The following NAB1 variants were observed in gnomAD, a reference collection of about 807,000 sequenced individuals.
The protein encoded by NAB1 is NGFI-A-binding protein 1.
Under a neutral mutation model 49.9 loss-of-function variants are expected in NAB1, and 25 were observed. The ratio of observed to expected loss-of-function variants is 0.50; its 90% CI spans 0.37 to 0.70. The LOEUF (loss-of-function observed/expected upper bound fraction) is 0.70. Among genes scored for constraint, NAB1 ranks in the 30% least tolerant of loss-of-function variants. The probability of loss-of-function intolerance (pLI) is 0.00; values close to 1 mark genes in which losing one functional copy is unlikely to be tolerated. For missense variants in NAB1, 489 were observed against 575.9 expected, an observed-to-expected ratio of 0.85 and a Z score of 1.54; for synonymous variants, 198 against 215.6, an observed-to-expected ratio of 0.92 and a Z score of 0.71.
chr2:190,685,664 T>G lies in NAB1; in HGVS notation c.1258+26T>G. On this transcript the variant is annotated intron_variant, in intron 8 of 9. Transcript: ENST00000337386. The surrounding 1 kb of genome is among the most constrained non-coding windows in gnomAD (Gnocchi z 4.5). ...GTACATCTTTAGAATATCCTATGCCTTTAGGGCCACTATGTGCACTTCAAA... is the reference window on the plus strand; with the variant it reads ...GTACATCTTTAGAATATCCTATGCCGTTAGGGCCACTATGTGCACTTCAAA... 2 of 1,544,760 alleles carry G rather than the reference T, an allele frequency of 1.3e-6. No individual in the cohort carries two copies. Among genetic ancestry groups the G allele is most frequent in the South Asian group, 2.5e-5 (2 of 79,940 alleles).
At chr2:190,665,288 A>C (rs1025090277) in intron 4 of NAB1, among the ~76,000 whole-genome samples, 8 of 150,438 alleles carry the variant, frequency 5.3e-5, no homozygotes, top group Admixed American at 5.3e-4. Flanking sequence ...ATGCCACTGC[A>C]CTCCAGCCTG....
At chr2:190,681,008 G>A (rs546869075) in intron 6 of NAB1, among the ~76,000 whole-genome samples, 67 of 152,290 alleles carry the variant, frequency 4.4e-4, no homozygotes, top group African/African-American at 1.6e-3. Context: ...AATCTACCCA[G>A]TATCACAGCA....
chr2:190,687,961 T>TG (rs1464319009), intron 9 of NAB1, among the ~76,000 whole-genome samples: 1 of 152,162 alleles, frequency 6.6e-6, no homozygotes, highest in African/African-American at 2.4e-5. Flanking sequence ...ATTTTGGAGG[T>TG]GATACTCATA....
upstream of NAB1, chr2:190,649,065 G>T: frequency 6.8e-6 from 1 of 146,072 alleles, no homozygotes; most frequent in South Asian, 1.9e-4. This position sits in a 1 kb window ranked among gnomAD's most constrained non-coding sequence, Gnocchi z 6.1. Context: ...AAGGCGCGGC[G>T]GGGGAGGCGC....
intron 4 of NAB1, among the ~76,000 whole-genome samples, chr2:190,662,546 C>T (rs3821235): frequency 0.33 from 50,797 of 151,644 alleles, 8,967 homozygotes; most frequent in South Asian, 0.47. Context: ...AACCCAGAGG[C>T]GATATCAGAA....
In NAB1 at chr2:190,665,425, AT is replaced by A. The variant is rs558893345; in HGVS notation, c.820-4896del. On this transcript the variant is annotated intron_variant, in intron 4 of 9. Coordinates refer to ENST00000337386, the MANE Select transcript of NAB1 (RefSeq NM_005966.4). ...CTCCTGATTCTCAAGTTTCGTGGTT[AT>A]TTTTACTGTACTGCTTTTTAGTCGT... Among the ~76,000 whole-genome samples the A allele has an allele frequency of 4.9e-3, 735 of 151,510 alleles. 6 individuals carry two copies. Among genetic ancestry groups the A allele is most frequent in the African/African-American group, 0.017 (710 of 41,348 alleles).
chr2:190,649,031 G>T (rs1310697260), upstream of NAB1: 45 of 146,860 alleles, frequency 3.1e-4, no homozygotes, highest in African/African-American at 1.1e-3. The surrounding 1 kb of genome is among the most constrained non-coding windows in gnomAD (Gnocchi z 6.1). Flanking sequence ...TAGCGCGCGC[G>T]GGGAAGGCAG....
At chr2:190,687,104 C>T (rs1473753667) in intron 8 of NAB1, 97 bp from the exon 9 acceptor site, 2 of 551,492 alleles carry the variant, frequency 3.6e-6, no homozygotes, top group East Asian at 6.8e-5. Context: ...TGACTCTCCT[C>T]ACTTTTTTCC....
chr2:190,673,373 T>A (rs1694915200), intron 6 of NAB1, among the ~76,000 whole-genome samples: 2 of 152,210 alleles, frequency 1.3e-5, no homozygotes, highest in East Asian at 3.9e-4. Flanking sequence ...AACTTTTTTT[T>A]CATGTAGAGA....
Position 190,659,740 on chromosome 2 carries a change from T to C in NAB1, c.564T>C (p.Ser188=), listed in dbSNP as rs748385834. 4 of 1,614,056 alleles carry C rather than the reference T, an allele frequency of 2.5e-6. No homozygotes were observed. The highest frequency in any genetic ancestry group is 3.4e-6 in the Non-Finnish European group (4 of 1,179,956). The change falls in exon 4 of 10, where the codon AGT becomes AGC. Residue 188 remains serine (S), a synonymous_variant. Coordinates refer to ENST00000337386, the MANE Select transcript of NAB1 (RefSeq NM_005966.4). This position sits in a 1 kb window ranked among gnomAD's most constrained non-coding sequence, Gnocchi z 6.2. ...CCCCCGCGTCCCCAAAGGAGAGCAG[T>C]GAGGCGCTGGATGCTGCTGCTGCGC... The part of the protein sequence containing the change: ...LGSPASPKES[S]EALDAAAALS...
In NAB1 at chr2:190,679,407, T is replaced by A. The variant is rs1206728198; in HGVS notation, c.1006-4331T>A. Among the ~76,000 whole-genome samples, 2 of 152,220 alleles carry A rather than the reference T, an allele frequency of 1.3e-5. No homozygotes were observed. Among genetic ancestry groups the A allele is most frequent in the African/African-American group, 4.8e-5 (2 of 41,450 alleles). ...ATCACTGATTACTTTGGATAATTGT[T>A]ATTTATTACTTATTTTAGGCTTTTA... On this transcript the variant is annotated intron_variant, in intron 6 of 9. Transcript: ENST00000337386. This position sits in a 1 kb window ranked among gnomAD's most constrained non-coding sequence, Gnocchi z 5.3.
rs1222647921 is a variant in NAB1 at position 190,651,056 on chromosome 2, C to G, written c.-197+1074C>G. ...TCCCGACTCTGATGGTCTCTTGTTA[C>G]TTGTGAAGGTATCAATAATAATGTA... is the stretch of plus-strand genomic sequence containing the variant. On this transcript the variant is annotated intron_variant, in intron 2 of 9. Coordinates refer to ENST00000337386, the MANE Select transcript of NAB1 (RefSeq NM_005966.4). This position sits in a 1 kb window ranked among gnomAD's most constrained non-coding sequence, Gnocchi z 4.3. Among the ~76,000 whole-genome samples the G allele has an allele frequency of 6.6e-6, 1 of 152,144 alleles. No individual in the cohort carries two copies. Among genetic ancestry groups the G allele is most frequent in the Non-Finnish European group, 1.5e-5 (1 of 68,014 alleles).
At position 190,691,503 on chromosome 2, in the gene NAB1, G is replaced by A. The variant is rs1695932745; in HGVS notation, c.*1170G>A. Reference sequence around the variant, plus strand: ...TCTTAAAATTTATTTTAACTTGACAGTATGTTTTTAGTTCCCCCAATTTAA... The same window carrying A: ...TCTTAAAATTTATTTTAACTTGACAATATGTTTTTAGTTCCCCCAATTTAA... On this transcript the variant is annotated 3_prime_UTR_variant, in exon 10 of 10. Coordinates refer to ENST00000337386, the MANE Select transcript of NAB1 (RefSeq NM_005966.4). This position sits in a 1 kb window ranked among gnomAD's most constrained non-coding sequence, Gnocchi z 4.1. 2 of 152,244 alleles carry A rather than the reference G, an allele frequency of 1.3e-5. No individual in the cohort carries two copies. The highest frequency in any genetic ancestry group is 4.8e-5 in the African/African-American group (2 of 41,556). 9.4% of individuals were successfully genotyped at this position (152,244 alleles called of 1,614,324 possible).
In NAB1 at chr2:190,677,298, A is replaced by C. The variant is rs1025268543; in HGVS notation, c.1005+4146A>C. ...TCCTTACAGGGTATGTTAAACATTA[A>C]AAAACAGATTTTGAACTTTAATTCC... On this transcript the variant is annotated intron_variant, in intron 6 of 9. Coordinates refer to ENST00000337386, the MANE Select transcript of NAB1 (RefSeq NM_005966.4). The surrounding 1 kb of genome is among the most constrained non-coding windows in gnomAD (Gnocchi z 5.6). The C allele has an allele frequency of 2.0e-5, 3 of 152,236 alleles. No individual in the cohort carries two copies. The highest frequency in any genetic ancestry group is 7.2e-5 in the African/African-American group (3 of 41,470). The allele number at this position is 152,236 out of a possible 1,614,324, so 9.4% of individuals were successfully genotyped here.
At position 190,676,269 on chromosome 2, in the gene NAB1, T is replaced by A. The variant is rs1695066697; in HGVS notation, c.1005+3117T>A. The stretch of plus-strand genomic sequence containing the variant: ...GGCAAAGACAGAGGTAAGAAAATAC[T>A]AAGCATGTTCAGAGAACAATAAGTT... On this transcript the variant is annotated intron_variant, in intron 6 of 9. Coordinates refer to ENST00000337386, the MANE Select transcript of NAB1 (RefSeq NM_005966.4). This position sits in a 1 kb window ranked among gnomAD's most constrained non-coding sequence, Gnocchi z 4.6. Among the ~76,000 whole-genome samples the A allele has an allele frequency of 6.6e-6, 1 of 152,200 alleles. No individual in the cohort carries two copies. Among genetic ancestry groups the A allele is most frequent in the South Asian group, 2.1e-4 (1 of 4,830 alleles).
At position 190,690,411 on chromosome 2, in the gene NAB1, A is replaced by T; in HGVS notation, c.*78A>T. 1 of 1,134,454 alleles carries T rather than the reference A, an allele frequency of 8.8e-7. No homozygotes were observed. The highest frequency in any genetic ancestry group is 1.3e-6 in the Non-Finnish European group (1 of 751,484). The allele number at this position is 1,134,454 out of a possible 1,614,324, so 70.3% of individuals were successfully genotyped here. On this transcript the variant is annotated 3_prime_UTR_variant, in exon 10 of 10. Coordinates refer to ENST00000337386, the MANE Select transcript of NAB1 (RefSeq NM_005966.4). The stretch of plus-strand genomic sequence containing the variant: ...CTCCATCATAGAAATAAGCCTTAAT[A>T]ACCAGTGTTGCCTCATTCAGCTCAA...
At position 190,649,699 on chromosome 2, in the gene NAB1, G is replaced by C. The variant is rs985987977; in HGVS notation, c.-333-147G>C. 2.0e-5 allele frequency: 3 copies of C among 152,308 alleles called. No homozygotes were observed. The highest frequency in any genetic ancestry group is 4.4e-5 in the Non-Finnish European group (3 of 68,186). 9.4% of individuals were successfully genotyped at this position (152,308 alleles called of 1,614,324 possible). A position where few individuals can be genotyped will look rare whatever the true frequency, so the allele number is the denominator to read the frequency against. On this transcript the variant is annotated intron_variant, in intron 1 of 9. Coordinates refer to ENST00000337386, the MANE Select transcript of NAB1 (RefSeq NM_005966.4). The surrounding 1 kb of genome is among the most constrained non-coding windows in gnomAD (Gnocchi z 6.1). Reference sequence around the variant, plus strand: ...ACGGCGCTCTGGGGGTGTGCGATGTGGGTTGTGCGCGCCGGCCCCAGAGTT... The same window carrying C: ...ACGGCGCTCTGGGGGTGTGCGATGTCGGTTGTGCGCGCCGGCCCCAGAGTT...
intron 6 of NAB1, among the ~76,000 whole-genome samples, chr2:190,673,802 G>A (rs1301217007): frequency 6.6e-6 from 1 of 152,186 alleles, no homozygotes; most frequent in Non-Finnish European, 1.5e-5. Flanking sequence ...CAAGTGGTAA[G>A]GTGGGAGTTA....
intron 6 of NAB1, among the ~76,000 whole-genome samples, chr2:190,681,199 T>TAAAA (rs138083750): frequency 6.6e-6 from 1 of 151,908 alleles, no homozygotes; most frequent in Non-Finnish European, 1.5e-5. Context: ...GTTGTAGCTG[T>TAAAA]AAAAAAAAGG....
Sources: allele counts gnomAD v4.1 joint callset (sites outside exome capture counted in the v4.1 genomes callset), GRCh38; gene constraint gnomAD v4.1.1; non-coding constraint Gnocchi (gnomAD v3.1); transcripts MANE v1.5; gene names NCBI Gene and HGNC (gene_info 2026-07-23, HGNC 2026-07-21).